The following CSMD1 variants were observed in gnomAD, a reference collection of about 807,000 sequenced individuals.
CSMD1 encodes CUB and sushi domain-containing protein 1.
Under a neutral mutation model 417.5 loss-of-function variants are expected in CSMD1, and 213 were observed. The observed-to-expected ratio is 0.51, with a 90% CI of 0.46 to 0.57. The LOEUF (loss-of-function observed/expected upper bound fraction) is 0.57, where lower values mean the gene tolerates loss of function less well. Among genes scored for constraint, CSMD1 ranks in the 20% least tolerant of loss-of-function variants. CSMD1 has a pLI of 0.00. For missense variants in CSMD1, 6,923 were observed against 4,529.7 expected, an observed-to-expected ratio of 1.53 and a Z score of -15.17; for synonymous variants, 2,862 against 1,736.8, an observed-to-expected ratio of 1.65 and a Z score of -16.11.
At chr8:4,245,580 A>G (rs939799872) in intron 3 of CSMD1, among the ~76,000 whole-genome samples, 1 of 152,178 alleles carries the variant, frequency 6.6e-6, no homozygotes, top group Admixed American at 6.5e-5. Context: ...TGAGTTCACA[A>G]TCGATCAGCT....
At chr8:4,152,999 C>T (rs889088572) in intron 3 of CSMD1, among the ~76,000 whole-genome samples, 1 of 152,086 alleles carries the variant, frequency 6.6e-6, no homozygotes, top group Non-Finnish European at 1.5e-5. Context: ...GAACAAATCT[C>T]GTAGCAAGTG....
At chr8:3,286,204 A>T (rs778913273) in intron 25 of CSMD1, among the ~76,000 whole-genome samples, 1 of 152,156 alleles carries the variant, frequency 6.6e-6, no homozygotes, top group Non-Finnish European at 1.5e-5. Flanking sequence ...TATGTGCTAC[A>T]ATTTCTTAAT....
chr8:3,832,850 C>T (rs1028015578), intron 5 of CSMD1, among the ~76,000 whole-genome samples: 11 of 152,064 alleles, frequency 7.2e-5, no homozygotes, highest in African/African-American at 1.2e-4. Context: ...TATAGAAACA[C>T]GTAGAAACAT....
At chr8:3,635,461 G>C (rs890505232) in intron 7 of CSMD1, among the ~76,000 whole-genome samples, 1 of 150,992 alleles carries the variant, frequency 6.6e-6, no homozygotes, top group Non-Finnish European at 1.5e-5. Flanking sequence ...TCCAGCCTGG[G>C]CAATGGAGCA....
intron 3 of CSMD1, among the ~76,000 whole-genome samples, chr8:4,318,477 C>G (rs1799066183): frequency 1.3e-5 from 2 of 151,944 alleles, no homozygotes; most frequent in South Asian, 4.1e-4. Flanking sequence ...AGTAATGAAA[C>G]AAAGCTTGCA....
At position 3,393,948 on chromosome 8, in the gene CSMD1, C is replaced by T. The variant is rs1241089359; in HGVS notation, c.2593+2246G>A. On this transcript the variant is annotated intron_variant, in intron 17 of 69. Transcript: ENST00000635120. Reference sequence around the variant, plus strand: ...GCACATGTATACATATGTAACAAACCTGCACGTTGTGCACATGTACCCTAG... The same window carrying T: ...GCACATGTATACATATGTAACAAACTTGCACGTTGTGCACATGTACCCTAG... Among the ~76,000 whole-genome samples the T allele has an allele frequency of 5.0e-5, 7 of 139,040 alleles. 1 individual carries two copies. The South Asian group carries it at 1.6e-3, about 32-fold the overall frequency. The allele number at this position is 139,040 out of a possible 152,430, so 91.2% of individuals were successfully genotyped here. A position where few individuals can be genotyped will look rare whatever the true frequency, so the allele number is the denominator to read the frequency against.
At chr8:4,317,278 G>C (rs111682566) in intron 3 of CSMD1, among the ~76,000 whole-genome samples, 1 of 152,140 alleles carries the variant, frequency 6.6e-6, no homozygotes, top group Non-Finnish European at 1.5e-5. Context: ...TTAAAAGAAA[G>C]CTGAAAGCAC....
intron 3 of CSMD1, among the ~76,000 whole-genome samples, chr8:4,270,946 G>A (rs973397745): frequency 3.3e-5 from 5 of 152,142 alleles, no homozygotes; most frequent in South Asian, 2.1e-4. Context: ...TAGAGAGAGA[G>A]GGAGCACTTT....
At chr8:4,131,426 A>C (rs1803096240) in intron 3 of CSMD1, among the ~76,000 whole-genome samples, 1 of 152,156 alleles carries the variant, frequency 6.6e-6, no homozygotes, top group African/African-American at 2.4e-5. Flanking sequence ...CCTCTCTCTC[A>C]ACTACCCCTG....
chr8:4,547,117 C>T (rs191460441), intron 2 of CSMD1, among the ~76,000 whole-genome samples: 4 of 152,122 alleles, frequency 2.6e-5, no homozygotes, highest in Non-Finnish European at 5.9e-5. Context: ...ATATGCATCC[C>T]CCAGACCTGT....
chr8:3,873,060 C>T (rs527689452), intron 5 of CSMD1, among the ~76,000 whole-genome samples: 1 of 151,972 alleles, frequency 6.6e-6, no homozygotes, highest in Non-Finnish European at 1.5e-5. Flanking sequence ...ACAACAGATG[C>T]TGGCAAGGTT....
intron 4 of CSMD1, among the ~76,000 whole-genome samples, chr8:4,000,811 C>G (rs1439401774): frequency 1.7e-4 from 26 of 151,842 alleles, no homozygotes; most frequent in Non-Finnish European, 3.8e-4. Flanking sequence ...GTTATGGCAT[C>G]TCAATGTAAA....
chr8:3,028,316 G>T lies in CSMD1; in HGVS notation c.7855+1003C>A, dbSNP rs192055365. Reference sequence around the variant, plus strand: ...GACAAAATCTGTGCACGACTGGCAAGAATGTCGGGAAGGGGGGCATTTCCT... The same window carrying T: ...GACAAAATCTGTGCACGACTGGCAATAATGTCGGGAAGGGGGGCATTTCCT... On this transcript the variant is annotated intron_variant, in intron 51 of 69. Transcript: ENST00000635120. Among the ~76,000 whole-genome samples, 578 of 152,266 alleles carry T rather than the reference G, an allele frequency of 3.8e-3. 2 individuals are homozygous for T. Among genetic ancestry groups the T allele is most frequent in the Middle Eastern group, 0.037 (11 of 294 alleles).
At chr8:4,568,471 T>C (rs1275610289) in intron 2 of CSMD1, among the ~76,000 whole-genome samples, 1 of 152,178 alleles carries the variant, frequency 6.6e-6, no homozygotes, top group Non-Finnish European at 1.5e-5. Context: ...TATGGCTGCA[T>C]AGTATTCCAT....
chr8:4,198,829 T>G (rs768755854), intron 3 of CSMD1, among the ~76,000 whole-genome samples: 6 of 152,166 alleles, frequency 3.9e-5, no homozygotes, highest in African/African-American at 2.4e-5. Context: ...AAAGTTAAAG[T>G]ACCATCTCAG....
intron 25 of CSMD1, among the ~76,000 whole-genome samples, chr8:3,287,636 T>G (rs1188719853): frequency 6.6e-6 from 1 of 152,176 alleles, no homozygotes; most frequent in Non-Finnish European, 1.5e-5. Context: ...TGCTTGTGAT[T>G]TTTGCACATT....
chr8:3,351,587 A>T (rs1808424865), intron 21 of CSMD1, among the ~76,000 whole-genome samples: 1 of 136,222 alleles, frequency 7.3e-6, no homozygotes. Context: ...ACACAGTGTG[A>T]GACTCTGTTT....
chr8:3,857,210 G>C, intron 5 of CSMD1, among the ~76,000 whole-genome samples: 1 of 152,120 alleles, frequency 6.6e-6, no homozygotes, highest in East Asian at 1.9e-4. Flanking sequence ...GTACAGGAGG[G>C]AGTAATTAAT....
chr8:3,231,575 G>C (rs1027337386), intron 26 of CSMD1, among the ~76,000 whole-genome samples: 1 of 152,120 alleles, frequency 6.6e-6, no homozygotes, highest in Non-Finnish European at 1.5e-5. Flanking sequence ...TAAAAAGTTA[G>C]AAGATATATA....
Sources: gnomAD v4.1 joint callset for allele counts (sites outside exome capture counted in the v4.1 genomes callset) on GRCh38, gnomAD v4.1.1 for gene constraint, MANE v1.5 for transcripts, NCBI Gene and HGNC (gene_info 2026-07-23, HGNC 2026-07-21) for gene names.